Variants in CCSER1 observed in about 807,000 individuals in gnomAD.
CCSER1 encodes the protein serine-rich coiled-coil domain-containing protein 1.
A neutral mutation model predicts 82.0 loss-of-function variants in CCSER1; 41 were observed. The ratio of observed to expected loss-of-function variants is 0.50; its 90% CI spans 0.39 to 0.65. The LOEUF is 0.65. Among genes scored for constraint, CCSER1 ranks in the 30% least tolerant of loss-of-function variants. The probability of loss-of-function intolerance (pLI) is 0.00; values close to 1 mark genes in which losing one functional copy is unlikely to be tolerated. For synonymous variants in CCSER1, 414 were observed against 383.9 expected (o/e 1.08, Z -0.92); for missense variants, 1,119 against 1,064.2 (o/e 1.05, Z -0.72).
intron 5 of CCSER1, among the ~76,000 whole-genome samples, chr4:90,511,300 C>G (rs1208710984): frequency 1.3e-5 from 2 of 152,100 alleles, no homozygotes; most frequent in African/African-American, 2.4e-5. Flanking sequence ...CACCTGTAGT[C>G]CCAGCTACTC....
chr4:90,225,324 C>T (rs1262854844), intron 1 of CCSER1, among the ~76,000 whole-genome samples: 1 of 151,318 alleles, frequency 6.6e-6, no homozygotes, highest in South Asian at 2.1e-4. Context: ...CTTCTGCCCA[C>T]CATGGCCTCC....
chr4:90,513,421 G>A (rs1243066260), intron 5 of CCSER1, among the ~76,000 whole-genome samples: 1 of 152,188 alleles, frequency 6.6e-6, no homozygotes, highest in Non-Finnish European at 1.5e-5. Flanking sequence ...CTCTGATAAT[G>A]AGCATGTCAA....
chr4:90,569,480 C>G (rs972970703), intron 5 of CCSER1, among the ~76,000 whole-genome samples: 1 of 152,154 alleles, frequency 6.6e-6, no homozygotes, highest in African/African-American at 2.4e-5. Flanking sequence ...AGTTGGGCAA[C>G]AGGACTGGCC....
At chr4:91,024,540 A>C (rs572911838) in intron 9 of CCSER1, among the ~76,000 whole-genome samples, 23 of 152,214 alleles carry the variant, frequency 1.5e-4, no homozygotes, top group South Asian at 1.0e-3. Flanking sequence ...AAATCTGTGA[A>C]TACTAAAATC....
intron 5 of CCSER1, among the ~76,000 whole-genome samples, chr4:90,549,701 C>T (rs1198257592): frequency 6.6e-6 from 1 of 151,696 alleles, no homozygotes; most frequent in Non-Finnish European, 1.5e-5. Flanking sequence ...GGACTATAAG[C>T]CTTACTGTGT....
At chr4:91,254,220 G>C (rs776568365) in intron 10 of CCSER1, among the ~76,000 whole-genome samples, 2 of 152,120 alleles carry the variant, frequency 1.3e-5, no homozygotes, top group Non-Finnish European at 2.9e-5. Context: ...TCTAACAGAC[G>C]TATACACAGA....
chr4:90,211,877 T>C (rs1420924854), intron 1 of CCSER1, among the ~76,000 whole-genome samples: 2 of 152,072 alleles, frequency 1.3e-5, no homozygotes, highest in African/African-American at 4.8e-5. Context: ...TAGACAGAAG[T>C]AGAAAAGAAG....
At chr4:90,660,129 T>C (rs143102580) in intron 6 of CCSER1, among the ~76,000 whole-genome samples, 4 of 152,038 alleles carry the variant, frequency 2.6e-5, no homozygotes, top group Non-Finnish European at 5.9e-5. Flanking sequence ...TGGCAATTTC[T>C]CAAAGAAATA....
intron 7 of CCSER1, among the ~76,000 whole-genome samples, chr4:90,753,553 T>C (rs1749047436): frequency 6.6e-6 from 1 of 152,116 alleles, no homozygotes; most frequent in Admixed American, 6.6e-5. Flanking sequence ...TATAAATATA[T>C]TCCAAATCTG....
chr4:91,521,020 A>C (rs748606695), intron 10 of CCSER1, among the ~76,000 whole-genome samples: 10 of 151,898 alleles, frequency 6.6e-5, no homozygotes, highest in Non-Finnish European at 1.0e-4. Context: ...TATTTCTTCT[A>C]GCTATCCGTC....
intron 1 of CCSER1, among the ~76,000 whole-genome samples, chr4:90,257,037 G>A (rs1010877885): frequency 2.0e-5 from 3 of 151,998 alleles, no homozygotes; most frequent in African/African-American, 7.2e-5. Context: ...CACTGCGGGG[G>A]GGTCTTCGAA....
intron 1 of CCSER1, among the ~76,000 whole-genome samples, chr4:90,139,435 A>G (rs1254276456): frequency 6.6e-6 from 1 of 152,166 alleles, no homozygotes; most frequent in Admixed American, 6.5e-5. Context: ...TTATAGTTCT[A>G]GCTTTCATGT....
chr4:90,598,088 A>G (rs767414649), intron 5 of CCSER1, among the ~76,000 whole-genome samples: 3 of 152,066 alleles, frequency 2.0e-5, no homozygotes, highest in Admixed American at 6.6e-5. Context: ...TGTGAATGAC[A>G]CTGCAATAAA....
At chr4:91,500,208 A>C (rs1035581333) in intron 10 of CCSER1, among the ~76,000 whole-genome samples, 10 of 151,988 alleles carry the variant, frequency 6.6e-5, no homozygotes, top group Non-Finnish European at 1.2e-4. Context: ...TTCAATTTGC[A>C]ATGCCCTAAT....
At chr4:90,503,689 T>C (rs910163328) in intron 5 of CCSER1, among the ~76,000 whole-genome samples, 39 of 152,174 alleles carry the variant, frequency 2.6e-4, no homozygotes, top group Admixed American at 2.1e-3. Flanking sequence ...TGCGATAGTT[T>C]GCTGAGAAGG....
chr4:90,805,298 A>G (rs1024897842), intron 7 of CCSER1, among the ~76,000 whole-genome samples: 1 of 152,176 alleles, frequency 6.6e-6, no homozygotes, highest in Admixed American at 6.6e-5. Context: ...TAGATGTCCA[A>G]GGTAGCTCAT....
chr4:91,487,645 TATA>T, intron 10 of CCSER1, among the ~76,000 whole-genome samples: 1 of 152,268 alleles, frequency 6.6e-6, no homozygotes, highest in Non-Finnish European at 1.5e-5. Flanking sequence ...AGTTGCTTAA[TATA>T]ATATTATGTA....
At chr4:90,756,052 C>A (rs1309486436) in intron 7 of CCSER1, among the ~76,000 whole-genome samples, 1 of 152,014 alleles carries the variant, frequency 6.6e-6, no homozygotes, top group Non-Finnish European at 1.5e-5. Flanking sequence ...CATGGTGAAA[C>A]CTTTTCTGTA....
intron 7 of CCSER1, among the ~76,000 whole-genome samples, chr4:90,786,920 A>G (rs992776272): frequency 6.6e-6 from 1 of 152,242 alleles, no homozygotes; most frequent in African/African-American, 2.4e-5. Flanking sequence ...TGAGGTTTCT[A>G]TAACCCCCTT....
Sources: gnomAD v4.1 joint callset for allele counts (sites outside exome capture counted in the v4.1 genomes callset) on GRCh38, gnomAD v4.1.1 for gene constraint, MANE v1.5 for transcripts, NCBI Gene and HGNC (gene_info 2026-07-23, HGNC 2026-07-21) for gene names.